The following SYTL5 variants were observed in gnomAD, a reference collection of about 807,000 sequenced individuals.
SYTL5 encodes the protein synaptotagmin-like protein 5.
SYTL5 carries 34 observed loss-of-function variants against 55.9 expected under a neutral mutation model. That is an observed-to-expected ratio of 0.61 (90% CI 0.46 to 0.81). The LOEUF (loss-of-function observed/expected upper bound fraction) is 0.81. Ranked by LOEUF, SYTL5 falls within the 30% of genes least tolerant of loss-of-function variation. The probability of loss-of-function intolerance (pLI) is 0.00; values close to 1 mark genes in which losing one functional copy is unlikely to be tolerated. For missense variants in SYTL5, 637 were observed against 546.7 expected, an observed-to-expected ratio of 1.17 and a Z score of -1.65; for synonymous variants, 221 against 188.7, an observed-to-expected ratio of 1.17 and a Z score of -1.40.
chrX:38,039,413 G>T (rs1393800984), intron 2 of SYTL5, among the ~76,000 whole-genome samples: 1 of 112,020 alleles, frequency 8.9e-6, no homozygotes, highest in Non-Finnish European at 1.9e-5. Context: ...GGAAATCATT[G>T]TTGATTATTT....
chrX:38,097,917 G>A (rs1417257333), intron 9 of SYTL5, among the ~76,000 whole-genome samples: 1 of 109,096 alleles, frequency 9.2e-6, no homozygotes, highest in Non-Finnish European at 1.9e-5. Flanking sequence ...TTGATTTTTG[G>A]TACTTCAGTG....
intron 3 of SYTL5, among the ~76,000 whole-genome samples, chrX:38,064,543 C>T (rs1328507096): frequency 8.1e-5 from 9 of 110,478 alleles, no homozygotes. Flanking sequence ...TGGTCTTTTC[C>T]TTATTAATTT....
the SYTL5 span, among the ~76,000 whole-genome samples, chrX:37,975,660 G>A: frequency 2.7e-5 from 3 of 111,336 alleles, no homozygotes; most frequent in Admixed American, 9.5e-5. Context: ...GAAGCAGTCA[G>A]GAATTTGACC....
At chrX:38,126,226 A>G (rs752488671) in intron 16 of SYTL5, among the ~76,000 whole-genome samples, 1 of 111,985 alleles carries the variant, frequency 8.9e-6, no homozygotes, top group South Asian at 3.7e-4. Flanking sequence ...AAATATCTAT[A>G]CCACTAAAAG....
chrX:38,034,835 T>C (rs1935056638), intron 2 of SYTL5, among the ~76,000 whole-genome samples: 1 of 112,038 alleles, frequency 8.9e-6, no homozygotes, highest in Non-Finnish European at 1.9e-5. Flanking sequence ...TTTTAAAATA[T>C]ATTTGGTCAT....
the SYTL5 span, among the ~76,000 whole-genome samples, chrX:37,989,984 G>C: frequency 9.1e-6 from 1 of 110,493 alleles, no homozygotes; most frequent in African/African-American, 3.3e-5. Context: ...ACCATTCTCT[G>C]GCCTCAGCCT....
At chrX:38,068,620 T>C (rs1053910281) in intron 3 of SYTL5, among the ~76,000 whole-genome samples, 1 of 112,059 alleles carries the variant, frequency 8.9e-6, no homozygotes, top group Non-Finnish European at 1.9e-5. Flanking sequence ...ATCATATCTT[T>C]TGCAGCAACA....
chrX:37,946,502 G>A, the SYTL5 span: 1 of 227,204 alleles, frequency 4.4e-6, no homozygotes, highest in Admixed American at 5.2e-5. Context: ...TTGGAATCAT[G>A]CTTTTGTGTT....
At chrX:37,984,269 A>G in the SYTL5 span, among the ~76,000 whole-genome samples, 1 of 111,852 alleles carries the variant, frequency 8.9e-6, no homozygotes, top group Non-Finnish European at 1.9e-5. Context: ...GAGAGAATTC[A>G]TATTGCTGGA....
At position 38,089,474 on chromosome X, in the gene SYTL5, G is replaced by A. The variant is rs1223805833; in HGVS notation, c.718G>A (p.Asp240Asn). 2.5e-6 allele frequency: 3 copies of A among 1,209,707 alleles called. No individual in the cohort carries two copies. Among genetic ancestry groups the A allele is most frequent in the Non-Finnish European group, 3.4e-6 (3 of 894,761 alleles). The change falls in exon 7 of 17, where the codon GAC (aspartate) becomes AAC (asparagine). Residue 240 changes from aspartate to asparagine, a missense_variant. Physicochemically the swap from Asp to Asn is conservative, Grantham distance 23. Coordinates refer to ENST00000297875, the MANE Select transcript of SYTL5 (RefSeq NM_138780.3). The part of the protein sequence containing the change: ...RGSTGSSDLN[D>N]QEPGPRTPKS... ...AAGCACTGGCTCATCAGATCTCAAT[G>A]ACCAGGAACCTGGTCCTAGGACCCC...
intron 2 of SYTL5, among the ~76,000 whole-genome samples, chrX:38,043,688 T>TATATATATATATATAC (rs1210450618): frequency 2.5e-4 from 16 of 64,958 alleles, no homozygotes; most frequent in African/African-American, 1.2e-3. Flanking sequence ...TATATATATA[T>TATATATATATATATAC]ATACATATAT....
At chrX:37,995,899 T>A in the SYTL5 span, among the ~76,000 whole-genome samples, 1,103 of 112,484 alleles carry the variant, frequency 9.8e-3, 8 homozygotes, top group Middle Eastern at 0.041. Context: ...ATCTGAGGAC[T>A]TCATTCAAGG....
intron 10 of SYTL5, among the ~76,000 whole-genome samples, chrX:38,105,435 A>G (rs771687322): frequency 4.8e-4 from 54 of 112,595 alleles, no homozygotes; most frequent in African/African-American, 1.5e-3. Context: ...TGGGTCTGGA[A>G]AGGCGTGACA....
intron 1 of SYTL5, among the ~76,000 whole-genome samples, chrX:38,008,816 T>C: frequency 8.9e-6 from 1 of 112,192 alleles, no homozygotes; most frequent in Middle Eastern, 4.6e-3. Flanking sequence ...CATTCATTTA[T>C]TTATGTATTC....
chrX:38,073,645 C>T lies in SYTL5; in HGVS notation c.501C>T (p.Asp167=), dbSNP rs1209123115. The T allele has an allele frequency of 8.3e-6, 10 of 1,198,574 alleles. No individual in the cohort carries two copies. The African/African-American group carries it at 1.8e-4, about 21-fold the overall frequency. The change falls in exon 5 of 17, where the codon GAC becomes GAT. Residue 167 remains aspartate, a synonymous_variant. Transcript: ENST00000297875. ...EQTRQDAEKS[D]TSPVAGKKAS... ...CCCGCCAGGATGCAGAAAAGTCAGA[C>T]ACTTCACCTGTTGCTGGGAAGAAGG...
rs200888867 is a variant in SYTL5, at chrX:38,054,388, G to C, written c.295G>C (p.Gly99Arg). 9.7e-5 allele frequency: 117 copies of C among 1,209,416 alleles called. No homozygotes were observed. Among genetic ancestry groups the C allele is most frequent in the Admixed American group, 4.2e-4 (19 of 45,669 alleles). Residue 99 changes from glycine to arginine, a missense_variant, in exon 3 of 17, where the codon GGC (glycine) becomes CGC (arginine). Transcript: ENST00000297875. ...CRECRVAGPN[G>R]SWKCTVCDKI... ...GGAGTGTCGAGTTGCAGGCCCCAAT[G>C]GCAGCTGGAAGTGCACTGTCTGTGA...
At chrX:38,120,731 G>A (rs1937562654) in intron 14 of SYTL5, among the ~76,000 whole-genome samples, 1 of 110,119 alleles carries the variant, frequency 9.1e-6, no homozygotes, top group African/African-American at 3.3e-5. Flanking sequence ...AAAGATATAG[G>A]ATCTTCCCCC....
chrX:37,971,552 C>A, the SYTL5 span, among the ~76,000 whole-genome samples: 110 of 111,009 alleles, frequency 9.9e-4, 2 homozygotes, highest in African/African-American at 6.6e-4. Flanking sequence ...ACAACAACAA[C>A]AAAAAACCAC....
chrX:37,982,611 G>A, the SYTL5 span, among the ~76,000 whole-genome samples: 2 of 111,615 alleles, frequency 1.8e-5, no homozygotes, highest in Admixed American at 9.5e-5. Context: ...TGTAAATAAT[G>A]TATGTCATAC....
Sources: gnomAD v4.1 joint callset for allele counts (sites outside exome capture counted in the v4.1 genomes callset) on GRCh38, gnomAD v4.1.1 for gene constraint, MANE v1.5 for transcripts, NCBI Gene and HGNC (gene_info 2026-07-23, HGNC 2026-07-21) for gene names.